SGCZ: variants seen among roughly 807,000 people sequenced by gnomAD.
The protein encoded by SGCZ is zeta-sarcoglycan.
In SGCZ, 40 loss-of-function variants were observed where a neutral mutation model predicts 41.3. That is an observed-to-expected ratio of 0.97 (90% CI 0.75 to 1.26). The LOEUF is 1.26. Among genes scored for constraint, SGCZ ranks in the 50% most tolerant of loss-of-function variants. The pLI is 0.00. For synonymous variants in SGCZ, 206 were observed against 137.5 expected (o/e 1.50, Z -3.49); for missense variants, 552 against 369.8 (o/e 1.49, Z -4.04).
At chr8:14,857,542 C>T (rs187511983) in intron 1 of SGCZ, among the ~76,000 whole-genome samples, 198 of 152,244 alleles carry the variant, frequency 1.3e-3, no homozygotes, top group African/African-American at 4.6e-3. Context: ...TTAAGAACCT[C>T]AGAATCACCT....
At chr8:14,213,855 A>G (rs62492324) in intron 4 of SGCZ, among the ~76,000 whole-genome samples, 8,075 of 152,220 alleles carry the variant, frequency 0.053, 287 homozygotes, top group East Asian at 0.12. Flanking sequence ...AAGTTATGTC[A>G]GTTGTGAAAA....
chr8:14,859,640 C>T (rs946589856), intron 1 of SGCZ, among the ~76,000 whole-genome samples: 3 of 152,014 alleles, frequency 2.0e-5, no homozygotes, highest in Non-Finnish European at 2.9e-5. Flanking sequence ...CCTTTGGCTC[C>T]CAACAGTTCA....
chr8:14,313,509 G>A (rs141360843), intron 3 of SGCZ, among the ~76,000 whole-genome samples: 1 of 152,072 alleles, frequency 6.6e-6, no homozygotes, highest in African/African-American at 2.4e-5. Flanking sequence ...TAGTGACAAG[G>A]CTTTGCCATG....
At chr8:15,145,663 G>A (rs1015863946) in intron 1 of SGCZ, among the ~76,000 whole-genome samples, 5 of 151,956 alleles carry the variant, frequency 3.3e-5, no homozygotes, top group Non-Finnish European at 5.9e-5. Flanking sequence ...CTATGTTTCC[G>A]AGGCTGGTCT....
At chr8:14,534,254 G>A (rs1248718093) in intron 2 of SGCZ, among the ~76,000 whole-genome samples, 1 of 151,960 alleles carries the variant, frequency 6.6e-6, no homozygotes, top group Non-Finnish European at 1.5e-5. Flanking sequence ...AGAGAAGAGG[G>A]AAGCAGGTGC....
At chr8:14,430,827 T>C (rs907649269) in intron 2 of SGCZ, among the ~76,000 whole-genome samples, 3 of 152,118 alleles carry the variant, frequency 2.0e-5, no homozygotes, top group Non-Finnish European at 4.4e-5. Context: ...TCCTAGAACT[T>C]ACGTAAGAAT....
chr8:14,496,471 A>G (rs1033657507), intron 2 of SGCZ, among the ~76,000 whole-genome samples: 1 of 152,124 alleles, frequency 6.6e-6, no homozygotes, highest in Non-Finnish European at 1.5e-5. Flanking sequence ...CACCCATGGG[A>G]GTATTTGGTG....
intron 1 of SGCZ, among the ~76,000 whole-genome samples, chr8:14,840,765 C>T (rs912232194): frequency 6.6e-5 from 10 of 152,152 alleles, no homozygotes; most frequent in Non-Finnish European, 1.3e-4. Context: ...AAAAAGAAGG[C>T]ATTTGATTAG....
intron 1 of SGCZ, among the ~76,000 whole-genome samples, chr8:14,890,204 A>C (rs1171341942): frequency 6.6e-6 from 1 of 151,626 alleles, no homozygotes. Flanking sequence ...GCGACAGAAC[A>C]AGACTCCATC....
chr8:14,432,371 A>G (rs1158188804), intron 2 of SGCZ, among the ~76,000 whole-genome samples: 1 of 152,234 alleles, frequency 6.6e-6, no homozygotes, highest in East Asian at 1.9e-4. Flanking sequence ...AAATAATGGC[A>G]TTTGCAGTGA....
intron 1 of SGCZ, among the ~76,000 whole-genome samples, chr8:15,170,411 C>T (rs1287277970): frequency 1.3e-5 from 2 of 152,206 alleles, no homozygotes; most frequent in African/African-American, 2.4e-5. Context: ...GAATAAATCA[C>T]ATCTAATAGA....
intron 1 of SGCZ, among the ~76,000 whole-genome samples, chr8:14,799,788 C>A (rs937292709): frequency 6.6e-6 from 1 of 152,064 alleles, no homozygotes; most frequent in Non-Finnish European, 1.5e-5. Flanking sequence ...GCCTACTTCT[C>A]GCTGGCCTGC....
chr8:14,933,316 G>A (rs990815314), intron 1 of SGCZ, among the ~76,000 whole-genome samples: 7 of 151,890 alleles, frequency 4.6e-5, no homozygotes, highest in Admixed American at 3.3e-4. Context: ...AGAGAAAGAG[G>A]ACCCAGAAAA....
intron 1 of SGCZ, among the ~76,000 whole-genome samples, chr8:14,952,973 G>A (rs1034243874): frequency 1.3e-5 from 2 of 152,124 alleles, no homozygotes; most frequent in East Asian, 1.9e-4. Context: ...AATATCTCGG[G>A]TGGGTTGGTG....
chr8:14,593,189 T>TA (rs1201394642), intron 1 of SGCZ, among the ~76,000 whole-genome samples: 1 of 152,158 alleles, frequency 6.6e-6, no homozygotes, highest in African/African-American at 2.4e-5. Context: ...GATATCTTGA[T>TA]AGAGTTTATC....
chr8:15,033,903 G>T (rs548348041), intron 1 of SGCZ, among the ~76,000 whole-genome samples: 1 of 152,282 alleles, frequency 6.6e-6, no homozygotes, highest in African/African-American at 2.4e-5. Flanking sequence ...CATCAAGCCA[G>T]CATGCAGGCC....
At chr8:14,882,158 T>C (rs984047704) in intron 1 of SGCZ, among the ~76,000 whole-genome samples, 1 of 152,198 alleles carries the variant, frequency 6.6e-6, no homozygotes, top group Non-Finnish European at 1.5e-5. Context: ...TGTAAGTGAA[T>C]GTGAGGTCTT....
intron 1 of SGCZ, among the ~76,000 whole-genome samples, chr8:14,817,078 A>G (rs17120323): frequency 0.35 from 53,779 of 151,944 alleles, 12,165 homozygotes; most frequent in African/African-American, 0.62. Context: ...CTTCTTCCAC[A>G]CTATTTTGGT....
chr8:14,791,541 T>A (rs545566330), intron 1 of SGCZ, among the ~76,000 whole-genome samples: 49 of 152,262 alleles, frequency 3.2e-4, no homozygotes. Context: ...ATTCACCTAA[T>A]AGAAGTTTCT....
Sources: gnomAD v4.1 joint callset for allele counts (sites outside exome capture counted in the v4.1 genomes callset) on GRCh38, gnomAD v4.1.1 for gene constraint, MANE v1.5 for transcripts, NCBI Gene and HGNC (gene_info 2026-07-23, HGNC 2026-07-21) for gene names.